Variants in WFS1 observed in about 807,000 individuals in gnomAD.
The protein encoded by WFS1 is wolframin.
A neutral mutation model predicts 68.5 loss-of-function variants in WFS1; 90 were observed. That is an observed-to-expected ratio of 1.31 (90% confidence interval 1.11 to 1.56). WFS1 has a LOEUF of 1.56. Ranked by LOEUF, WFS1 falls within the 40% of genes most tolerant of loss-of-function variation. The pLI is 0.00. For synonymous variants in WFS1, 860 were observed against 540.7 expected, an observed-to-expected ratio of 1.59 and a Z score of -8.19; for missense variants, 1,767 against 1,232.6, an observed-to-expected ratio of 1.43 and a Z score of -6.49.
rs575451022 is a variant in WFS1, at chr4:6,277,289, G to A, written c.-5-162G>A. Among the ~76,000 whole-genome samples the A allele has an allele frequency of 1.1e-4, 17 of 152,366 alleles. No homozygotes were observed. In the South Asian group the frequency reaches 2.3e-3, roughly 20 times the overall value. ...CTCCCATGGTTTCCTCCCTGGAAGC[G>A]GTGCTGGCCCATGGGGACTGTACTG... is the stretch of plus-strand genomic sequence containing the variant. On this transcript the variant is annotated intron_variant, in intron 1 of 7. Coordinates refer to ENST00000226760, the MANE Select transcript of WFS1 (RefSeq NM_006005.3).
chr4:6,296,282 AGCAGCCCTGCT>A (rs937874509), intron 7 of WFS1, among the ~76,000 whole-genome samples: 4 of 152,204 alleles, frequency 2.6e-5, no homozygotes, highest in Non-Finnish European at 5.9e-5. Context: ...CAGCAGGCAC[AGCAGCCCTGCT>A]GCAGGGACTC....
At chr4:6,276,876 C>G (rs560931686) in intron 1 of WFS1, among the ~76,000 whole-genome samples, 2 of 152,372 alleles carry the variant, frequency 1.3e-5, no homozygotes, top group Non-Finnish European at 2.9e-5. Flanking sequence ...AGTGGTCCTC[C>G]TGCTCCTTGG....
At chr4:6,295,752 C>A (rs1172314844) in intron 7 of WFS1, among the ~76,000 whole-genome samples, 1 of 152,170 alleles carries the variant, frequency 6.6e-6, no homozygotes, top group Non-Finnish European at 1.5e-5. Context: ...GCTTTGGCGG[C>A]AGGAGGAAAG....
In WFS1 at chr4:6,301,610, T is replaced by G. The variant is rs1369018961; in HGVS notation, c.1815T>G (p.Ser605Arg). The G allele has an allele frequency of 6.2e-7, 1 of 1,614,020 alleles. No homozygotes were observed. The part of the protein sequence containing the change: ...TKIAVTVAVC[S>R]VPLLLRWWTK... ...TCGCAGTCACCGTGGCGGTCTGTAG[T>G]GTGCCCCTGCTGTTGCGCTGGTGGA... Residue 605 changes from serine (S) to arginine (R), a missense_variant, in exon 8 of 8, where the codon AGT becomes AGG. Coordinates refer to ENST00000226760, the MANE Select transcript of WFS1 (RefSeq NM_006005.3).
At chr4:6,282,430 C>G (rs1364369950) in intron 2 of WFS1, among the ~76,000 whole-genome samples, 1 of 152,148 alleles carries the variant, frequency 6.6e-6, no homozygotes, top group Non-Finnish European at 1.5e-5. Context: ...TCACGAGAGG[C>G]GCAGAGAGAT....
chr4:6,294,865 C>T lies in WFS1; in HGVS notation c.713-176C>T. The T allele has an allele frequency of 3.0e-6, 3 of 1,015,102 alleles. No individual in the cohort carries two copies. In the South Asian group the frequency reaches 4.4e-5, roughly 15 times the overall value. The allele number at this position is 1,015,102 out of a possible 1,614,324, so 62.9% of individuals were successfully genotyped here. ...TTGGCAAACCTGCCCCCTTCCTCCT[C>T]ACCCAGCCTGGTCCTCAACCCTCAG... On this transcript the variant is annotated intron_variant, in intron 6 of 7. Coordinates refer to ENST00000226760, the MANE Select transcript of WFS1 (RefSeq NM_006005.3).
intron 2 of WFS1, among the ~76,000 whole-genome samples, chr4:6,285,812 C>T (rs568280868): frequency 1.5e-4 from 23 of 152,342 alleles, no homozygotes; most frequent in Middle Eastern, 3.4e-3. Flanking sequence ...AAGGCTGGTC[C>T]TCAGTGTGGT....
At chr4:6,279,878 C>A (rs902943017) in intron 2 of WFS1, among the ~76,000 whole-genome samples, 16 of 152,216 alleles carry the variant, frequency 1.1e-4, no homozygotes, top group Non-Finnish European at 2.2e-4. Context: ...CTGGTTGCCT[C>A]CCTGAGGAAC....
rs773044767 is a variant in WFS1, at chr4:6,291,345, T to C, written c.609T>C (p.Asn203=). ...KQVAVAELLE[N]VGQVNEHDGG... is the part of the protein sequence containing the mutation. ...TGGCCGTGGCGGAGCTGCTGGAGAATGTCGGCCAGGTCAACGAGCACGGTG... is the reference window on the plus strand; with the variant it reads ...TGGCCGTGGCGGAGCTGCTGGAGAACGTCGGCCAGGTCAACGAGCACGGTG... The change falls in exon 5 of 8, where the codon AAT becomes AAC. Residue 203 remains asparagine, a synonymous_variant. Coordinates refer to ENST00000226760, the MANE Select transcript of WFS1 (RefSeq NM_006005.3). The C allele has an allele frequency of 2.5e-6, 4 of 1,612,876 alleles. No homozygotes were observed. The South Asian group carries it at 4.4e-5, about 18-fold the overall frequency.
chr4:6,279,893 C>A (rs1730106718), intron 2 of WFS1, among the ~76,000 whole-genome samples: 1 of 152,330 alleles, frequency 6.6e-6, no homozygotes, highest in Middle Eastern at 3.4e-3. Context: ...AGGAACTGAC[C>A]CCCTTTTCAG....
chr4:6,284,948 G>A (rs928165479), intron 2 of WFS1, among the ~76,000 whole-genome samples: 2 of 151,076 alleles, frequency 1.3e-5, no homozygotes, highest in Non-Finnish European at 2.9e-5. Flanking sequence ...TGCTGAGCCC[G>A]CAGCCAGAAA....
chr4:6,295,295 A>G, intron 7 of WFS1, 106 bp downstream of exon 7: 3 of 1,395,250 alleles, frequency 2.2e-6, no homozygotes, highest in Non-Finnish European at 3.0e-6. Flanking sequence ...TTCGCGCCTA[A>G]CAAAGAGTGT....
In WFS1 at chr4:6,301,762, G is replaced by T; in HGVS notation, c.1967G>T (p.Gly656Val). ...TGGTTCTATGTGTACCGCTCAGAGGGCATGAAGGTCTACAACTCCACACTG... is the reference window on the plus strand; with the variant it reads ...TGGTTCTATGTGTACCGCTCAGAGGTCATGAAGGTCTACAACTCCACACTG... Reference protein sequence around the residue: ...FCWFYVYRSEGMKVYNSTLTW... With the variant: ...FCWFYVYRSEVMKVYNSTLTW... The change falls in exon 8 of 8, where the codon GGC becomes GTC. Residue 656 changes from glycine (G) to valine (V), a missense_variant. Coordinates refer to ENST00000226760, the MANE Select transcript of WFS1 (RefSeq NM_006005.3). 1 of 1,613,624 alleles carries T rather than the reference G, an allele frequency of 6.2e-7. No individual in the cohort carries two copies. The highest frequency in any genetic ancestry group is 1.3e-5 in the African/African-American group (1 of 75,044).
chr4:6,290,023 C>T (rs2109115798), intron 4 of WFS1, among the ~76,000 whole-genome samples: 1 of 152,300 alleles, frequency 6.6e-6, no homozygotes, highest in Non-Finnish European at 1.5e-5. Context: ...ACTGTAACCT[C>T]CACCTCCCTG....
chr4:6,301,324 A>T lies in WFS1; in HGVS notation c.1529A>T (p.Tyr510Phe). Residue 510 changes from tyrosine (Y) to phenylalanine (F), a missense_variant, in exon 8 of 8, where the codon TAC becomes TTC. By Grantham distance (22) the Tyr-to-Phe change is conservative. Coordinates refer to ENST00000226760, the MANE Select transcript of WFS1 (RefSeq NM_006005.3). ...AGCGTCCCGTGCCTGCTCTATGTCTACCTGCTCTATCTCTTCTTCCGCATG... is the reference window on the plus strand; with the variant it reads ...AGCGTCCCGTGCCTGCTCTATGTCTTCCTGCTCTATCTCTTCTTCCGCATG... ...NVSVPCLLYV[Y>F]LLYLFFRMAQ... 6.2e-7 allele frequency: 1 copy of T among 1,611,552 alleles called. No homozygotes were observed. The highest frequency in any genetic ancestry group is 1.7e-5 in the Admixed American group (1 of 60,008).
In WFS1 at chr4:6,302,196, G is replaced by T. The variant is rs777565132; in HGVS notation, c.2401G>T (p.Asp801Tyr). 6.2e-7 allele frequency: 1 copy of T among 1,612,022 alleles called. No individual in the cohort carries two copies. Among genetic ancestry groups the T allele is most frequent in the South Asian group, 1.1e-5 (1 of 91,062 alleles). Residue 801 changes from aspartate (D) to tyrosine (Y), a missense_variant, in exon 8 of 8, where the codon GAC becomes TAC. Coordinates refer to ENST00000226760, the MANE Select transcript of WFS1 (RefSeq NM_006005.3). ...CCGCGAGGAGGACGACGTCACCAAG[G>T]ACATCGTGCTGCGGGCCAGCAGCGA... ...RSREEDDVTK[D>Y]IVLRASSEFK...
In WFS1 at chr4:6,291,303, CAAG is replaced by C. The variant is rs752461187; in HGVS notation, c.577_579del (p.Lys193del). On this transcript the variant is annotated inframe_deletion, in exon 5 of 8. Transcript: ENST00000226760. ...TGGTCATGTACTGGAAGCTCAACCCCAAGAAGAAGAAGCAGGTGGCCGTGGCGG... is the reference window on the plus strand; with the variant it reads ...TGGTCATGTACTGGAAGCTCAACCCCAAGAAGAAGCAGGTGGCCGTGGCGG... 52 of 1,613,382 alleles carry C rather than the reference CAAG, an allele frequency of 3.2e-5. No individual in the cohort carries two copies. Among genetic ancestry groups the C allele is most frequent in the East Asian group, 1.3e-4 (6 of 44,868 alleles).
At chr4:6,299,976 T>C in intron 7 of WFS1, among the ~76,000 whole-genome samples, 1 of 150,186 alleles carries the variant, frequency 6.7e-6, no homozygotes, top group South Asian at 2.1e-4. Context: ...TGTGTGCACG[T>C]GTGTGTACGG....
intron 4 of WFS1, among the ~76,000 whole-genome samples, chr4:6,290,656 G>C (rs557720463): frequency 7.9e-5 from 12 of 152,330 alleles, no homozygotes; most frequent in Non-Finnish European, 1.5e-4. Context: ...CAGGCCGTTG[G>C]GGGTAAAGGG....
Sources: allele counts gnomAD v4.1 joint callset (sites outside exome capture counted in the v4.1 genomes callset), GRCh38; gene constraint gnomAD v4.1.1; transcripts MANE v1.5; gene names NCBI Gene and HGNC (gene_info 2026-07-23, HGNC 2026-07-21).